The following KIFC3 variants were observed in gnomAD, a reference collection of about 807,000 sequenced individuals.
KIFC3 encodes kinesin family member C3.
A neutral mutation model predicts 101.8 loss-of-function variants in KIFC3; 60 were observed. The observed-to-expected ratio is 0.59, with a 90% CI of 0.48 to 0.73. KIFC3 has a LOEUF of 0.73. Among genes scored for constraint, KIFC3 ranks in the 30% least tolerant of loss-of-function variants. KIFC3 has a pLI of 0.00. For synonymous variants in KIFC3, 476 were observed against 482.7 expected (o/e 0.99, Z 0.18); for missense variants, 966 against 1,137.1 (o/e 0.85, Z 2.16).
chr16:57,860,092 T>TAAAATAAAATAAAATAAA (rs1555485107), intron 1 of KIFC3, among the ~76,000 whole-genome samples: 4 of 127,300 alleles, frequency 3.1e-5, no homozygotes, highest in Non-Finnish European at 3.6e-5. Context: ...TAAAATAAAA[T>TAAAATAAAATAAAATAAA]AAAAACAAGT....
At chr16:57,831,252 C>T (rs2055574859) in intron 1 of KIFC3, among the ~76,000 whole-genome samples, 1 of 152,240 alleles carries the variant, frequency 6.6e-6, no homozygotes, top group East Asian at 1.9e-4. Flanking sequence ...GGCCTGAACC[C>T]TGCTAACCCC....
chr16:57,759,567 T>G (rs903795317), intron 18 of KIFC3, 161 bp downstream of exon 18: 4 of 609,650 alleles, frequency 6.6e-6, no homozygotes, highest in African/African-American at 1.9e-5. Flanking sequence ...CTGTCTGCCC[T>G]GACTACTGCC....
chr16:57,830,568 C>A (rs2149293585), intron 1 of KIFC3: 1 of 152,282 alleles, frequency 6.6e-6, no homozygotes, highest in Non-Finnish European at 1.5e-5. Context: ...ATTTGCATGT[C>A]ATCCTTGTGC....
At chr16:57,819,534 ATTTATTT>A (rs2055307486) in intron 1 of KIFC3, among the ~76,000 whole-genome samples, 1 of 152,060 alleles carries the variant, frequency 6.6e-6, no homozygotes. Flanking sequence ...TTTTATTTGT[ATTTATTT>A]TTTATTTTTT....
Position 57,784,647 on chromosome 16 carries a change from C to T in KIFC3, c.315+10352G>A, listed in dbSNP as rs537172146. Among the ~76,000 whole-genome samples the T allele has an allele frequency of 3.6e-3, 555 of 152,240 alleles. 8 individuals are homozygous for T. Among genetic ancestry groups the T allele is most frequent in the African/African-American group, 0.013 (520 of 41,544 alleles). ...GGCCCAGAGCTCAGAGGCCCAACAG[C>T]CAGGCCAGGGCACTGGATCAGAAGT... On this transcript the variant is annotated intron_variant, in intron 3 of 19. Transcript: ENST00000445690.
At chr16:57,797,983 C>A in intron 2 of KIFC3, 89 bp downstream of exon 2, 2 of 1,547,114 alleles carry the variant, frequency 1.3e-6, no homozygotes, top group Non-Finnish European at 1.7e-6. Flanking sequence ...TCTGACTGGG[C>A]TTAGGAACCG....
intron 1 of KIFC3, among the ~76,000 whole-genome samples, chr16:57,825,090 C>A (rs1308529178): frequency 6.6e-6 from 1 of 152,220 alleles, no homozygotes; most frequent in African/African-American, 2.4e-5. Flanking sequence ...GCACAACTCA[C>A]CCCAGCCCAG....
chr16:57,787,125 C>T (rs937153109), intron 3 of KIFC3, among the ~76,000 whole-genome samples: 8 of 152,250 alleles, frequency 5.3e-5, no homozygotes, highest in South Asian at 2.1e-4. Context: ...GGCCTGCACA[C>T]GGGGCAGCAT....
rs782129384 is a variant in KIFC3 at position 57,766,922 on chromosome 16, C to T, written c.1282G>A (p.Glu428Lys). Reference sequence around the variant, plus strand: ...TGGCACTTCTTACGCAGCTGCAGCTCGCGGCGGTACTTGCGCAGCAGCTCC... The same window carrying T: ...TGGCACTTCTTACGCAGCTGCAGCTTGCGGCGGTACTTGCGCAGCAGCTCC... The part of the protein sequence containing the change: ...NQELLRKYRR[E>K]LQLRKKCHNE... The change falls in exon 10 of 20, where the codon GAG (glutamate) becomes AAG (lysine). Residue 428 changes from glutamate (E) to lysine (K), a missense_variant. By Grantham distance (56) the Glu-to-Lys change is moderately conservative. Coordinates refer to ENST00000445690, the MANE Select transcript of KIFC3 (RefSeq NM_001130100.2). The T allele has an allele frequency of 6.8e-6, 11 of 1,612,674 alleles. No homozygotes were observed. The highest frequency in any genetic ancestry group is 9.3e-6 in the Non-Finnish European group (11 of 1,179,978).
chr16:57,825,718 C>T (rs1401821588), intron 1 of KIFC3, among the ~76,000 whole-genome samples: 1 of 152,156 alleles, frequency 6.6e-6, no homozygotes, highest in Admixed American at 6.6e-5. Context: ...CACTCTGTCG[C>T]CCAGGCTGGA....
At chr16:57,830,113 A>G (rs1255754317) in intron 1 of KIFC3, among the ~76,000 whole-genome samples, 8 of 152,188 alleles carry the variant, frequency 5.3e-5, no homozygotes, top group African/African-American at 1.9e-4. Context: ...CCAGGAGGAC[A>G]GAGAGCACTG....
intron 1 of KIFC3, among the ~76,000 whole-genome samples, chr16:57,819,838 C>A (rs797037084): frequency 1.3e-5 from 2 of 151,872 alleles, no homozygotes; most frequent in African/African-American, 4.8e-5. Flanking sequence ...GGATTACAGG[C>A]GTGAGCCACC....
intron 18 of KIFC3, 151 bp from the exon 19 acceptor site, chr16:57,759,304 C>CCTG: frequency 1.1e-6 from 1 of 928,052 alleles, no homozygotes; most frequent in South Asian, 1.6e-5. Context: ...GGGTCCCGGT[C>CCTG]CTGTGGCGGG....
In KIFC3 at chr16:57,832,321, C is replaced by CTTT. The variant is rs1165977084; in HGVS notation, c.108+30405_108+30407dup. Among the ~76,000 whole-genome samples the CTTT allele has an allele frequency of 1.0e-3, 77 of 73,500 alleles. 1 individual carries two copies. The highest frequency in any genetic ancestry group is 1.8e-3 in the African/African-American group (31 of 16,780). The allele number at this position is 73,500 out of a possible 152,430, so 48.2% of individuals were successfully genotyped here. On this transcript the variant is annotated intron_variant, in intron 1 of 2. Coordinates refer to the KIFC3 transcript ENST00000563028. Reference sequence around the variant, plus strand: ...CAGCCATGAGCCACGGCGCCAGGCCCTTTTTTTTTTTTTTTTTTTTTTTTT... The same window carrying CTTT: ...CAGCCATGAGCCACGGCGCCAGGCCCTTTTTTTTTTTTTTTTTTTTTTTTTTTT...
At chr16:57,786,385 G>T (rs1319746084) in intron 3 of KIFC3, among the ~76,000 whole-genome samples, 9 of 152,210 alleles carry the variant, frequency 5.9e-5, no homozygotes, top group Admixed American at 5.9e-4. Context: ...ATGGATGAAG[G>T]ACAAGAACAC....
chr16:57,804,747 G>T (rs1271514066), upstream of KIFC3, among the ~76,000 whole-genome samples: 17 of 151,602 alleles, frequency 1.1e-4, no homozygotes, highest in Admixed American at 1.1e-3. Context: ...ACACCAGTGT[G>T]CCTAGCTAAT....
At chr16:57,768,573 G>A (rs1003858780) in intron 9 of KIFC3, among the ~76,000 whole-genome samples, 1 of 143,634 alleles carries the variant, frequency 7.0e-6, no homozygotes, top group Admixed American at 7.0e-5. Flanking sequence ...ACAGTCGGGG[G>A]AAATGCTGAG....
At chr16:57,807,238 C>T (rs879969141), upstream of KIFC3, among the ~76,000 whole-genome samples, 6 of 151,932 alleles carry the variant, frequency 3.9e-5, no homozygotes, top group South Asian at 8.3e-4. Context: ...AAAAAAACCC[C>T]GTGGAAGAGC....
At chr16:57,811,284 A>G (rs564567335) in intron 1 of KIFC3, among the ~76,000 whole-genome samples, 4 of 152,270 alleles carry the variant, frequency 2.6e-5, no homozygotes, top group Non-Finnish European at 5.9e-5. Flanking sequence ...TTATGGTGAC[A>G]GTGTACAACT....
Sources: gnomAD v4.1 joint callset for allele counts (sites outside exome capture counted in the v4.1 genomes callset) on GRCh38, gnomAD v4.1.1 for gene constraint, MANE v1.5 for transcripts, NCBI Gene and HGNC (gene_info 2026-07-23, HGNC 2026-07-21) for gene names.